The following CORT variants were observed in gnomAD, a reference collection of about 807,000 sequenced individuals.
The protein encoded by CORT is cortistatin.
A neutral mutation model predicts 4.4 loss-of-function variants in CORT; 2 were observed. The ratio of observed to expected loss-of-function variants is 0.46; its 90% CI spans 0.19 to 1.44. The LOEUF is 1.44. Ranked by LOEUF, CORT falls within the 40% of genes most tolerant of loss-of-function variation. The pLI is 0.26. For synonymous variants in CORT, 72 were observed against 62.0 expected, an observed-to-expected ratio of 1.16 and a Z score of -0.75; for missense variants, 158 against 140.2, an observed-to-expected ratio of 1.13 and a Z score of -0.64.
rs777360908 is a variant in CORT, at chr1:10,450,040, CGAGGGAA to C, written c.-172_-166del. 178 of 1,491,120 alleles carry C rather than the reference CGAGGGAA, an allele frequency of 1.2e-4. 1 individual carries two copies. The highest frequency in any genetic ancestry group is 1.5e-4 in the Non-Finnish European group (163 of 1,114,220). 92.4% of individuals were successfully genotyped at this position (1,491,120 alleles called of 1,614,324 possible). A position where few individuals can be genotyped will look rare whatever the true frequency, so the allele number is the denominator to read the frequency against. On this transcript the variant is annotated 5_prime_UTR_variant, in exon 1 of 2. Coordinates refer to ENST00000377049, the MANE Select transcript of CORT (RefSeq NM_001302.5). Reference sequence around the variant, plus strand: ...TTGCTCCAGCTTCTGCGTCACTGCGCGAGGGAAGAGGGAAGAGGATCCAGGCGTTAGA... The same window carrying C: ...TTGCTCCAGCTTCTGCGTCACTGCGCGAGGGAAGAGGATCCAGGCGTTAGA...
In CORT at chr1:10,450,232, G is replaced by T; in HGVS notation, c.9G>T (p.Leu3Phe). MP[L>F]SPGLLLLLLS... ...TCCAGTCAGCCCACAAGATGCCATT[G>T]TCCCCCGGCCTCCTGCTGCTGCTGC... Residue 3 changes from leucine (L) to phenylalanine (F), a missense_variant, in exon 1 of 2, where the codon TTG (leucine) becomes TTT (phenylalanine). Leu to Phe is a conservative substitution (Grantham distance 22). Coordinates refer to ENST00000377049, the MANE Select transcript of CORT (RefSeq NM_001302.5). The T allele has an allele frequency of 6.3e-7, 1 of 1,597,022 alleles. No individual in the cohort carries two copies. The highest frequency in any genetic ancestry group is 8.5e-7 in the Non-Finnish European group (1 of 1,171,446).
intron 1 of CORT, 31 bp downstream of exon 1, chr1:10,450,353 A>G (rs1640745267): frequency 4.1e-6 from 6 of 1,450,528 alleles, no homozygotes; most frequent in Non-Finnish European, 5.5e-6. Context: ...GCCACACGCT[A>G]GCCCACTCTC....
In CORT at chr1:10,451,892, A is replaced by C. The variant is rs1397818233; in HGVS notation, c.*297A>C. The C allele has an allele frequency of 4.0e-6, 1 of 251,648 alleles. No individual in the cohort carries two copies. Among genetic ancestry groups the C allele is most frequent in the Non-Finnish European group, 7.4e-6 (1 of 134,662 alleles). The allele number at this position is 251,648 out of a possible 1,614,324, so 15.6% of individuals were successfully genotyped here. ...CTTTGATTTAAAATAAAATAGCTAA[A>C]GGCTACACAATTAAGAGTTCAGAAT... On this transcript the variant is annotated 3_prime_UTR_variant, in exon 2 of 2. Coordinates refer to ENST00000377049, the MANE Select transcript of CORT (RefSeq NM_001302.5).
In CORT at chr1:10,451,697, A is replaced by G; in HGVS notation, c.*102A>G. On this transcript the variant is annotated 3_prime_UTR_variant, in exon 2 of 2. Transcript: ENST00000377049. ...CTCCTCCTTCCCAAGTCATTTGAAA[A>G]GTGTTTGTTATTTAAATTCCAATAA... The G allele has an allele frequency of 7.0e-7, 1 of 1,438,188 alleles. No individual in the cohort carries two copies. The highest frequency in any genetic ancestry group is 9.2e-7 in the Non-Finnish European group (1 of 1,089,768). 89.1% of individuals were successfully genotyped at this position (1,438,188 alleles called of 1,614,324 possible).
chr1:10,450,272 G>A lies in CORT; in HGVS notation c.49G>A (p.Ala17Thr), dbSNP rs1640741087. ...LLLLLLSGAT[A>T]TAALPLEGGP... Reference sequence around the variant, plus strand: ...GCTGCTGCTGCTCTCCGGGGCCACGGCCACCGCTGCCCTGCCCCTGGAGGG... The same window carrying A: ...GCTGCTGCTGCTCTCCGGGGCCACGACCACCGCTGCCCTGCCCCTGGAGGG... Residue 17 changes from alanine to threonine, a missense_variant, in exon 1 of 2, where the codon GCC (alanine) becomes ACC (threonine). Transcript: ENST00000377049. The A allele has an allele frequency of 3.2e-6, 5 of 1,559,576 alleles. No homozygotes were observed. In the African/African-American group the frequency reaches 6.8e-5, roughly 21 times the overall value.
Position 10,450,066 on chromosome 1 carries a change from C to T in CORT, c.-158C>T, listed in dbSNP as rs1194685195. ...GAGGGAAGAGGGAAGAGGATCCAGG[C>T]GTTAGACATGTATAGACACAAAAAC... On this transcript the variant is annotated 5_prime_UTR_variant, in exon 1 of 2. Transcript: ENST00000377049. 5.8e-6 allele frequency: 9 copies of T among 1,547,950 alleles called. No individual in the cohort carries two copies. Among genetic ancestry groups the T allele is most frequent in the South Asian group, 3.7e-5 (3 of 81,836 alleles).
chr1:10,450,517 A>G (rs949621548), intron 1 of CORT, among the ~76,000 whole-genome samples, 195 bp downstream of exon 1: 2 of 152,138 alleles, frequency 1.3e-5, no homozygotes, highest in African/African-American at 2.4e-5. Flanking sequence ...CCTCAGTTAC[A>G]TGTCCCAACC....
At position 10,451,736 on chromosome 1, in the gene CORT, C is replaced by T. The variant is rs554553942; in HGVS notation, c.*141C>T. 7.5e-5 allele frequency: 100 copies of T among 1,329,824 alleles called. No individual in the cohort carries two copies. In the African/African-American group the frequency reaches 1.1e-3, roughly 14 times the overall value. 82.4% of individuals were successfully genotyped at this position (1,329,824 alleles called of 1,614,324 possible). A position where few individuals can be genotyped will look rare whatever the true frequency, so the allele number is the denominator to read the frequency against. On this transcript the variant is annotated 3_prime_UTR_variant, in exon 2 of 2. Transcript: ENST00000377049. Reference sequence around the variant, plus strand: ...AAATTCCAATAATGCCCAATACTGACGTGTCTTGAGTAATTTGGAACCCAA... The same window carrying T: ...AAATTCCAATAATGCCCAATACTGATGTGTCTTGAGTAATTTGGAACCCAA...
rs1640797981 is a variant in CORT at position 10,451,826 on chromosome 1, G to C, written c.*231G>C. 1 of 515,954 alleles carries C rather than the reference G, an allele frequency of 1.9e-6. No individual in the cohort carries two copies. Among genetic ancestry groups the C allele is most frequent in the South Asian group, 4.3e-5 (1 of 23,332 alleles). 32.0% of individuals were successfully genotyped at this position (515,954 alleles called of 1,614,324 possible). A position where few individuals can be genotyped will look rare whatever the true frequency, so the allele number is the denominator to read the frequency against. ...GGACTGTGCTGAGTGCGGGCACTGG[G>C]CTTTTCTTCTGATGTTCATTATGGT... On this transcript the variant is annotated 3_prime_UTR_variant, in exon 2 of 2. Transcript: ENST00000377049.
At position 10,451,784 on chromosome 1, in the gene CORT, T is replaced by G; in HGVS notation, c.*189T>G. On this transcript the variant is annotated 3_prime_UTR_variant, in exon 2 of 2. Transcript: ENST00000377049. ...CAAAGTGAAGATCTTTGATAAAGAT[T>G]TTTTTGTGGTTCGACTGGACTGTGC... 5 of 1,014,864 alleles carry G rather than the reference T, an allele frequency of 4.9e-6. No homozygotes were observed. The highest frequency in any genetic ancestry group is 6.8e-6 in the Non-Finnish European group (5 of 734,078). 62.9% of individuals were successfully genotyped at this position (1,014,864 alleles called of 1,614,324 possible).
In CORT at chr1:10,451,897, A is replaced by G; in HGVS notation, c.*302A>G. 4.1e-6 allele frequency: 1 copy of G among 244,096 alleles called. No homozygotes were observed. The highest frequency in any genetic ancestry group is 7.7e-6 in the Non-Finnish European group (1 of 129,572). 15.1% of individuals were successfully genotyped at this position (244,096 alleles called of 1,614,324 possible). The stretch of plus-strand genomic sequence containing the variant: ...ATTTAAAATAAAATAGCTAAAGGCT[A>G]CACAATTAAGAGTTCAGAATAACAT... On this transcript the variant is annotated 3_prime_UTR_variant, in exon 2 of 2. Coordinates refer to ENST00000377049, the MANE Select transcript of CORT (RefSeq NM_001302.5).
chr1:10,450,533 A>G (rs959344785), intron 1 of CORT, among the ~76,000 whole-genome samples: 2 of 152,200 alleles, frequency 1.3e-5, no homozygotes, highest in African/African-American at 4.8e-5. Flanking sequence ...CAACCCATGA[A>G]GCCTGCTGGA....
chr1:10,450,059 A>G lies in CORT; in HGVS notation c.-165A>G. On this transcript the variant is annotated 5_prime_UTR_variant, in exon 1 of 2. Transcript: ENST00000377049. ...ACTGCGCGAGGGAAGAGGGAAGAGG[A>G]TCCAGGCGTTAGACATGTATAGACA... is the stretch of plus-strand genomic sequence containing the variant. 6.5e-7 allele frequency: 1 copy of G among 1,529,580 alleles called. No homozygotes were observed. Among genetic ancestry groups the G allele is most frequent in the Non-Finnish European group, 8.8e-7 (1 of 1,133,806 alleles). The allele number at this position is 1,529,580 out of a possible 1,614,324, so 94.8% of individuals were successfully genotyped here.
At chr1:10,450,755 T>C (rs978065292) in intron 1 of CORT, among the ~76,000 whole-genome samples, 1 of 152,210 alleles carries the variant, frequency 6.6e-6, no homozygotes, top group African/African-American at 2.4e-5. Context: ...TGATTGTTCT[T>C]TTTTCCATTT....
Position 10,450,336 on chromosome 1 carries a change from C to T in CORT, c.99+14C>T, listed in dbSNP as rs772464701. The T allele has an allele frequency of 3.7e-5, 55 of 1,474,230 alleles. No individual in the cohort carries two copies. Among genetic ancestry groups the T allele is most frequent in the Non-Finnish European group, 4.7e-5 (52 of 1,110,934 alleles). The allele number at this position is 1,474,230 out of a possible 1,614,324, so 91.3% of individuals were successfully genotyped here. A position where few individuals can be genotyped will look rare whatever the true frequency, so the allele number is the denominator to read the frequency against. On this transcript the variant is annotated intron_variant, in intron 1 of 1. Coordinates refer to ENST00000377049, the MANE Select transcript of CORT (RefSeq NM_001302.5). ...CGAGACAGCGAGGTGAGTACAGTCC[C>T]GACGTGGCCACACGCTAGCCCACTC...
At chr1:10,450,694 T>C (rs548250845) in intron 1 of CORT, among the ~76,000 whole-genome samples, 1 of 152,320 alleles carries the variant, frequency 6.6e-6, no homozygotes, top group African/African-American at 2.4e-5. Context: ...CTCAGAGTAA[T>C]TGGCATCATT....
Position 10,450,312 on chromosome 1 carries a change from G to GA in CORT, c.90dup (p.Asp31ArgfsTer25). On this transcript the variant is annotated frameshift_variant, in exon 1 of 2. Transcript: ENST00000377049. LOFTEE classifies it low-confidence loss of function (END_TRUNC). ...CCCCTGGAGGGTGGCCCCACCGGCCGAGACAGCGAGGTGAGTACAGTCCCG... is the reference window on the plus strand; with the variant it reads ...CCCCTGGAGGGTGGCCCCACCGGCCGAAGACAGCGAGGTGAGTACAGTCCCG... The GA allele has an allele frequency of 6.6e-7, 1 of 1,514,230 alleles. No homozygotes were observed. 93.8% of individuals were successfully genotyped at this position (1,514,230 alleles called of 1,614,324 possible).
intron 1 of CORT, among the ~76,000 whole-genome samples, 168 bp from the exon 2 acceptor site, chr1:10,451,209 G>A (rs922188829): frequency 6.6e-6 from 1 of 151,992 alleles, no homozygotes. Flanking sequence ...GAGGCTTATC[G>A]CTATGGAGCA....
chr1:10,450,073 C>A lies in CORT; in HGVS notation c.-151C>A. 6.3e-7 allele frequency: 1 copy of A among 1,579,808 alleles called. No homozygotes were observed. The highest frequency in any genetic ancestry group is 8.6e-7 in the Non-Finnish European group (1 of 1,162,336). On this transcript the variant is annotated 5_prime_UTR_variant, in exon 1 of 2. Transcript: ENST00000377049. The stretch of plus-strand genomic sequence containing the variant: ...GAGGGAAGAGGATCCAGGCGTTAGA[C>A]ATGTATAGACACAAAAACAGCTGGA...
Sources: allele counts gnomAD v4.1 joint callset (sites outside exome capture counted in the v4.1 genomes callset), GRCh38; gene constraint gnomAD v4.1.1; transcripts MANE v1.5; gene names NCBI Gene and HGNC (gene_info 2026-07-23, HGNC 2026-07-21).